The following CSRNP3 variants were observed in gnomAD, a reference collection of about 807,000 sequenced individuals.
CSRNP3 encodes the protein cysteine and serine rich nuclear protein 3.
A neutral mutation model predicts 48.0 loss-of-function variants in CSRNP3; 12 were observed. That is an observed-to-expected ratio of 0.25 (90% CI 0.16 to 0.41). The LOEUF is 0.41. Ranked by LOEUF, CSRNP3 falls within the 10% of genes least tolerant of loss-of-function variation. CSRNP3 has a pLI of 1.00. For missense variants in CSRNP3, 580 were observed against 724.4 expected (o/e 0.80, Z 2.29); for synonymous variants, 263 against 269.7 (o/e 0.98, Z 0.24).
chr2:165,538,038 A>G lies in CSRNP3; in HGVS notation c.-24+20077A>G, dbSNP rs377641659. Among the ~76,000 whole-genome samples, 4 of 151,938 alleles carry G rather than the reference A, an allele frequency of 2.6e-5. No homozygotes were observed. In the East Asian group the frequency reaches 5.8e-4, roughly 22 times the overall value. ...CTAGAGTGTTTGTGGATAAAGAAAG[A>G]AAACAGAGTTGGCCTGTATCTTTAG... On this transcript the variant is annotated intron_variant, in intron 3 of 6. Transcript: ENST00000651982.
At chr2:165,543,578 TC>T (rs1450568392) in intron 3 of CSRNP3, among the ~76,000 whole-genome samples, 1 of 152,168 alleles carries the variant, frequency 6.6e-6, no homozygotes, top group Non-Finnish European at 1.5e-5. Flanking sequence ...TAAATTCTTT[TC>T]TTTTTTTCAA....
At chr2:165,550,505 C>G (rs1685082647) in intron 3 of CSRNP3, among the ~76,000 whole-genome samples, 1 of 152,142 alleles carries the variant, frequency 6.6e-6, no homozygotes, top group Non-Finnish European at 1.5e-5. Flanking sequence ...TAAATTCTAG[C>G]TGTTCTAATT....
chr2:165,496,596 C>T (rs953041795), intron 2 of CSRNP3, among the ~76,000 whole-genome samples: 21 of 152,002 alleles, frequency 1.4e-4, no homozygotes, highest in Non-Finnish European at 2.9e-4. Flanking sequence ...TCTATTCATA[C>T]CCTTTCTGTG....
At chr2:165,564,556 A>T (rs1331182577) in intron 3 of CSRNP3, among the ~76,000 whole-genome samples, 3 of 151,934 alleles carry the variant, frequency 2.0e-5, no homozygotes, top group Admixed American at 6.6e-5. Context: ...CAGTGTGCAT[A>T]TTGTTTTATA....
intron 2 of CSRNP3, among the ~76,000 whole-genome samples, chr2:165,505,568 G>T (rs1684414436): frequency 6.6e-6 from 1 of 152,084 alleles, no homozygotes; most frequent in South Asian, 2.1e-4. Flanking sequence ...TTTTTGTTTT[G>T]ATAGCCTTCA....
In CSRNP3 at chr2:165,657,790, C is replaced by T. The variant is rs1268606251; in HGVS notation, c.178C>T (p.Leu60=). 4 of 1,613,984 alleles carry T rather than the reference C, an allele frequency of 2.5e-6. No homozygotes were observed. Among genetic ancestry groups the T allele is most frequent in the Admixed American group, 1.7e-5 (1 of 60,012 alleles). ...PSSILKREKR[L]RTKNVHFSCV... ...CTCCATTCTCAAAAGGGAGAAACGA[C>T]TGAGGACAAAGAATGTACATTTTAG... The change falls in exon 5 of 7, where the codon CTG becomes TTG. Residue 60 remains leucine (L), a synonymous_variant. Coordinates refer to ENST00000651982, the MANE Select transcript of CSRNP3 (RefSeq NM_001172173.2).
At chr2:165,562,128 C>T (rs1685242606) in intron 3 of CSRNP3, among the ~76,000 whole-genome samples, 1 of 152,052 alleles carries the variant, frequency 6.6e-6, no homozygotes, top group Admixed American at 6.6e-5. Context: ...GCCCGAACAC[C>T]CCCTGATGTA....
At position 165,683,364 on chromosome 2, in the gene CSRNP3, C is replaced by T. The variant is rs1687577688; in HGVS notation, c.*3611C>T. ...CCTGCAATACTCCCTGAATTCCTTCCCTCCAAAAAAAAACTATGAGTTGCA... is the reference window on the plus strand; with the variant it reads ...CCTGCAATACTCCCTGAATTCCTTCTCTCCAAAAAAAAACTATGAGTTGCA... On this transcript the variant is annotated 3_prime_UTR_variant, in exon 7 of 7. Transcript: ENST00000651982. 6.6e-6 allele frequency: 1 copy of T among 151,496 alleles called. No homozygotes were observed. The highest frequency in any genetic ancestry group is 1.5e-5 in the Non-Finnish European group (1 of 67,878). The allele number at this position is 151,496 out of a possible 1,614,324, so 9.4% of individuals were successfully genotyped here.
At chr2:165,529,160 A>C (rs1298293291) in intron 3 of CSRNP3, among the ~76,000 whole-genome samples, 2 of 152,190 alleles carry the variant, frequency 1.3e-5, no homozygotes, top group Non-Finnish European at 2.9e-5. Context: ...GCCTCACACC[A>C]GTCAGAATGG....
At chr2:165,492,711 A>G (rs1417047276) in intron 1 of CSRNP3, among the ~76,000 whole-genome samples, 3 of 137,828 alleles carry the variant, frequency 2.2e-5, no homozygotes, top group African/African-American at 8.2e-5. Context: ...CCAGTAAGTA[A>G]GCACTATTAG....
intron 4 of CSRNP3, among the ~76,000 whole-genome samples, chr2:165,603,413 T>C (rs1308747215): frequency 6.6e-6 from 1 of 152,216 alleles, no homozygotes; most frequent in Non-Finnish European, 1.5e-5. Flanking sequence ...ACCTAATGTC[T>C]GCAACCTCAC....
intron 3 of CSRNP3, among the ~76,000 whole-genome samples, chr2:165,593,500 T>G (rs1485867839): frequency 6.6e-6 from 1 of 152,228 alleles, no homozygotes; most frequent in Non-Finnish European, 1.5e-5. Context: ...ATGCTACTGC[T>G]GCTCATTCAG....
At chr2:165,520,417 A>G (rs1684635572) in intron 3 of CSRNP3, among the ~76,000 whole-genome samples, 1 of 152,114 alleles carries the variant, frequency 6.6e-6, no homozygotes, top group African/African-American at 2.4e-5. Flanking sequence ...GCTGGAGTTG[A>G]GAGGTTTAGC....
chr2:165,503,918 C>A (rs1442516949), intron 2 of CSRNP3, among the ~76,000 whole-genome samples: 4 of 151,828 alleles, frequency 2.6e-5, no homozygotes, highest in African/African-American at 9.7e-5. Flanking sequence ...AGGAGATATT[C>A]TTCCATTAAT....
At chr2:165,542,040 CT>C (rs1470520306) in intron 3 of CSRNP3, among the ~76,000 whole-genome samples, 1 of 152,156 alleles carries the variant, frequency 6.6e-6, no homozygotes, top group Non-Finnish European at 1.5e-5. Flanking sequence ...ACTAAATGTA[CT>C]GTCACAACCT....
intron 3 of CSRNP3, among the ~76,000 whole-genome samples, chr2:165,537,909 C>A (rs191859116): frequency 8.3e-4 from 126 of 152,040 alleles, no homozygotes; most frequent in African/African-American, 2.8e-3. Flanking sequence ...ACCATGTGCA[C>A]AGGCACTGAG....
chr2:165,532,461 C>T (rs1684826606), intron 3 of CSRNP3, among the ~76,000 whole-genome samples: 1 of 152,116 alleles, frequency 6.6e-6, no homozygotes, highest in Non-Finnish European at 1.5e-5. Context: ...ACAAAAACCA[C>T]ATGATTATCT....
At chr2:165,615,482 G>T (rs1686222673) in intron 4 of CSRNP3, among the ~76,000 whole-genome samples, 1 of 151,502 alleles carries the variant, frequency 6.6e-6, no homozygotes, top group African/African-American at 2.4e-5. Flanking sequence ...GGCAGAGCTT[G>T]CAGTGAGCCA....
rs144609971 is a variant in CSRNP3, at chr2:165,670,632, A to T, written c.409-5680A>T. ...TGAATACAATGATAGTATTTGCCTC[A>T]TGAGATGTATATGATCCTAAATGAA... is the stretch of plus-strand genomic sequence containing the variant. On this transcript the variant is annotated intron_variant, in intron 5 of 6. Coordinates refer to ENST00000651982, the MANE Select transcript of CSRNP3 (RefSeq NM_001172173.2). 5.5e-4 allele frequency among the ~76,000 whole-genome samples: 84 copies of T among 152,318 alleles called. No homozygotes were observed. In the East Asian group the frequency reaches 7.1e-3, roughly 13 times the overall value.
Sources: allele counts gnomAD v4.1 joint callset (sites outside exome capture counted in the v4.1 genomes callset), GRCh38; gene constraint gnomAD v4.1.1; transcripts MANE v1.5; gene names NCBI Gene and HGNC (gene_info 2026-07-23, HGNC 2026-07-21).